SERP1: variants seen among roughly 807,000 people sequenced by gnomAD.
SERP1 encodes the protein stress-associated endoplasmic reticulum protein 1.
In SERP1, 6 loss-of-function variants were observed where a neutral mutation model predicts 8.8. The observed-to-expected ratio is 0.68, with a 90% CI of 0.37 to 1.35. The LOEUF (loss-of-function observed/expected upper bound fraction) is 1.35. Ranked by LOEUF, SERP1 falls within the 40% of genes most tolerant of loss-of-function variation. The pLI, the probability that SERP1 is intolerant of heterozygous loss-of-function variation, is 0.02. For missense variants in SERP1, 52 were observed against 86.2 expected (o/e 0.60, Z 1.57); for synonymous variants, 36 against 28.7 (o/e 1.25, Z -0.81).
chr3:150,544,325 C>G lies in SERP1; in HGVS notation c.*133G>C. On this transcript the variant is annotated 3_prime_UTR_variant, in exon 3 of 3. Transcript: ENST00000239944. ...CTCATGAAGAAACCTTGGAATGACA[C>G]ATGAAGCATGATAGGAAAGTCATTC... 3 of 827,166 alleles carry G rather than the reference C, an allele frequency of 3.6e-6. No homozygotes were observed. The highest frequency in any genetic ancestry group is 6.1e-6 in the Non-Finnish European group (3 of 490,170). The allele number at this position is 827,166 out of a possible 1,614,324, so 51.2% of individuals were successfully genotyped here. A position where few individuals can be genotyped will look rare whatever the true frequency, so the allele number is the denominator to read the frequency against.
chr3:150,545,848 C>A (rs1007396453), intron 1 of SERP1, 70 bp from the exon 2 acceptor site: 1 of 1,471,776 alleles, frequency 6.8e-7, no homozygotes, highest in African/African-American at 1.4e-5. Flanking sequence ...CACGCCTGCA[C>A]GCCGGTCGCC....
Position 150,546,303 on chromosome 3 carries a change from G to C in SERP1, c.-168C>G, listed in dbSNP as rs1377503602. On this transcript the variant is annotated 5_prime_UTR_variant, in exon 1 of 3. Coordinates refer to ENST00000239944, the MANE Select transcript of SERP1 (RefSeq NM_014445.4). ...CTGGGCCTGGGCGCCGCAAGCGCGAGGTCTGAGCACAAGCCGGGCGCCGGC... is the reference window on the plus strand; with the variant it reads ...CTGGGCCTGGGCGCCGCAAGCGCGACGTCTGAGCACAAGCCGGGCGCCGGC... 6 of 715,104 alleles carry C rather than the reference G, an allele frequency of 8.4e-6. No homozygotes were observed. In the East Asian group the frequency reaches 1.4e-4, roughly 17 times the overall value. The allele number at this position is 715,104 out of a possible 1,614,324, so 44.3% of individuals were successfully genotyped here.
intron 2 of SERP1, chr3:150,545,313 T>C (rs1722961122): frequency 3.3e-6 from 1 of 306,290 alleles, no homozygotes; most frequent in Non-Finnish European, 5.9e-6. Flanking sequence ...CATTAGATTC[T>C]GGTATATGTT....
Position 150,544,473 on chromosome 3 carries a change from G to T in SERP1, c.186C>A (p.Ile62=). ...GSAIFQIIQS[I]RMGM Reference sequence around the variant, plus strand: ...GTCAGTCACTTCACATGCCCATCCTGATACTTTGAATAATCTGGAAAATTG... The same window carrying T: ...GTCAGTCACTTCACATGCCCATCCTTATACTTTGAATAATCTGGAAAATTG... Residue 62 remains isoleucine (I), a synonymous_variant, in exon 3 of 3, where the codon ATC becomes ATA. Transcript: ENST00000239944. 1 of 1,612,764 alleles carries T rather than the reference G, an allele frequency of 6.2e-7. No individual in the cohort carries two copies.
chr3:150,542,727 A>C lies in SERP1; in HGVS notation c.*1731T>G, dbSNP rs1217886809. The C allele has an allele frequency of 6.6e-6, 1 of 152,652 alleles. No individual in the cohort carries two copies. The highest frequency in any genetic ancestry group is 1.5e-5 in the Non-Finnish European group (1 of 68,026). 9.5% of individuals were successfully genotyped at this position (152,652 alleles called of 1,614,324 possible). A position where few individuals can be genotyped will look rare whatever the true frequency, so the allele number is the denominator to read the frequency against. ...CAGAACATTGTACATTAAAAAACAC[A>C]AACAACAACTTAAAGCCAAATATCT... On this transcript the variant is annotated 3_prime_UTR_variant, in exon 3 of 3. Transcript: ENST00000239944.
chr3:150,544,221 TAAC>T lies in SERP1; in HGVS notation c.*234_*236del. 1.9e-6 allele frequency: 1 copy of T among 522,970 alleles called. No homozygotes were observed. The highest frequency in any genetic ancestry group is 3.4e-6 in the Non-Finnish European group (1 of 291,218). 32.4% of individuals were successfully genotyped at this position (522,970 alleles called of 1,614,324 possible). On this transcript the variant is annotated 3_prime_UTR_variant, in exon 3 of 3. Coordinates refer to ENST00000239944, the MANE Select transcript of SERP1 (RefSeq NM_014445.4). ...ATAAGTAGGGTCCACTACTGTATCT[TAAC>T]AATCAAATTTTATTGCTTTATTCAT...
Position 150,546,075 on chromosome 3 carries a change from G to C in SERP1, c.61C>G (p.Arg21Gly), listed in dbSNP as rs998796439. The C allele has an allele frequency of 6.2e-7, 1 of 1,613,784 alleles. No individual in the cohort carries two copies. The highest frequency in any genetic ancestry group is 8.5e-7 in the Non-Finnish European group (1 of 1,179,890). ...ACCGAGGTCTTGGCGACGTTGCCGC[G>C]CTGGGTGATGTTCTTGCTGTGCTTC... ...NEKHSKNITQ[R>G]GNVAKTSRNA... The change falls in exon 1 of 3, where the codon CGC (arginine) becomes GGC (glycine). Residue 21 changes from arginine to glycine, a missense_variant. Transcript: ENST00000239944.
At position 150,544,184 on chromosome 3, in the gene SERP1, T is replaced by C; in HGVS notation, c.*274A>G. ...AATAACCACATAAAAAAACTTACTC[T>C]TAATTGACTGAATAAGTAGGGTCCA... On this transcript the variant is annotated 3_prime_UTR_variant, in exon 3 of 3. Transcript: ENST00000239944. 2.6e-6 allele frequency: 1 copy of C among 377,498 alleles called. No individual in the cohort carries two copies. Among genetic ancestry groups the C allele is most frequent in the Non-Finnish European group, 4.8e-6 (1 of 209,336 alleles). 23.4% of individuals were successfully genotyped at this position (377,498 alleles called of 1,614,324 possible).
chr3:150,545,937 C>A, intron 1 of SERP1, 115 bp downstream of exon 1: 1 of 1,435,004 alleles, frequency 7.0e-7, no homozygotes, highest in Non-Finnish European at 9.6e-7. Context: ...GGCCCCTACC[C>A]CTCCACGGCA....
At position 150,543,738 on chromosome 3, in the gene SERP1, C is replaced by T. The variant is rs1167746820; in HGVS notation, c.*720G>A. On this transcript the variant is annotated 3_prime_UTR_variant, in exon 3 of 3. Transcript: ENST00000239944. ...CCACCACGGTAGCTTTTAGTGAAACCACAGTAACTGATTAAGTCAGAAAAC... is the reference window on the plus strand; with the variant it reads ...CCACCACGGTAGCTTTTAGTGAAACTACAGTAACTGATTAAGTCAGAAAAC... 1.3e-5 allele frequency: 2 copies of T among 150,008 alleles called. No homozygotes were observed. The highest frequency in any genetic ancestry group is 3.0e-5 in the Non-Finnish European group (2 of 67,582). The allele number at this position is 150,008 out of a possible 1,614,324, so 9.3% of individuals were successfully genotyped here. A position where few individuals can be genotyped will look rare whatever the true frequency, so the allele number is the denominator to read the frequency against.
chr3:150,545,897 G>T, intron 1 of SERP1, 119 bp from the exon 2 acceptor site: 3 of 1,347,688 alleles, frequency 2.2e-6, no homozygotes, highest in Non-Finnish European at 3.1e-6. Context: ...CCGTTCCCGA[G>T]CCCCCACAGT....
In SERP1 at chr3:150,546,226, G is replaced by C; in HGVS notation, c.-91C>G. The C allele has an allele frequency of 2.1e-6, 3 of 1,432,000 alleles. No homozygotes were observed. The South Asian group carries it at 3.5e-5, about 17-fold the overall frequency. The allele number at this position is 1,432,000 out of a possible 1,614,324, so 88.7% of individuals were successfully genotyped here. On this transcript the variant is annotated 5_prime_UTR_variant, in exon 1 of 3. Coordinates refer to ENST00000239944, the MANE Select transcript of SERP1 (RefSeq NM_014445.4). The stretch of plus-strand genomic sequence containing the variant: ...GCCGCTGCGAGGCTCGGCTCGTGGT[G>C]CCCGCGCCGCCGGAGCGCCGAGGTT...
At position 150,546,271 on chromosome 3, in the gene SERP1, A is replaced by T; in HGVS notation, c.-136T>A. On this transcript the variant is annotated 5_prime_UTR_variant, in exon 1 of 3. Coordinates refer to ENST00000239944, the MANE Select transcript of SERP1 (RefSeq NM_014445.4). Reference sequence around the variant, plus strand: ...GAGGTTCTCAGGCCAGACGCTAGCTACGGCCGCTGGGCCTGGGCGCCGCAA... The same window carrying T: ...GAGGTTCTCAGGCCAGACGCTAGCTTCGGCCGCTGGGCCTGGGCGCCGCAA... 1.0e-6 allele frequency: 1 copy of T among 981,836 alleles called. No individual in the cohort carries two copies. Among genetic ancestry groups the T allele is most frequent in the Non-Finnish European group, 1.5e-6 (1 of 672,360 alleles). The allele number at this position is 981,836 out of a possible 1,614,324, so 60.8% of individuals were successfully genotyped here.
intron 2 of SERP1, among the ~76,000 whole-genome samples, chr3:150,544,708 G>C (rs563804914): frequency 6.6e-6 from 1 of 152,206 alleles, no homozygotes; most frequent in African/African-American, 2.4e-5. Context: ...TCTTAGCTTC[G>C]CTGAACTTTA....
Position 150,544,138 on chromosome 3 carries a change from A to T in SERP1, c.*320T>A. 3.6e-6 allele frequency: 1 copy of T among 276,130 alleles called. No individual in the cohort carries two copies. Among genetic ancestry groups the T allele is most frequent in the Non-Finnish European group, 6.8e-6 (1 of 147,064 alleles). The allele number at this position is 276,130 out of a possible 1,614,324, so 17.1% of individuals were successfully genotyped here. A position where few individuals can be genotyped will look rare whatever the true frequency, so the allele number is the denominator to read the frequency against. On this transcript the variant is annotated 3_prime_UTR_variant, in exon 3 of 3. Transcript: ENST00000239944. ...CTAGACCCTGTCTATGCAGAGTTAG[A>T]CTAATTGTTCATACTGTTTTAATAA...
Position 150,546,151 on chromosome 3 carries a change from AC to A in SERP1, c.-17del. Reference sequence around the variant, plus strand: ...TGGCGACCATCTTCGCGGCGCCACCACCTGCCCCGGCCACCCCTCGGACTCG... The same window carrying A: ...TGGCGACCATCTTCGCGGCGCCACCACTGCCCCGGCCACCCCTCGGACTCG... On this transcript the variant is annotated 5_prime_UTR_variant, in exon 1 of 3. Coordinates refer to ENST00000239944, the MANE Select transcript of SERP1 (RefSeq NM_014445.4). The A allele has an allele frequency of 6.2e-7, 1 of 1,611,620 alleles. No homozygotes were observed. The highest frequency in any genetic ancestry group is 8.5e-7 in the Non-Finnish European group (1 of 1,179,608).
At position 150,546,399 on chromosome 3, in the gene SERP1, C is replaced by A; in HGVS notation, c.-264G>T. ...ACTGGCCGCCGGGTCGTTCTCGCGC[C>A]GCCGTCGCCGCCGCTTTGGCCGCCG... On this transcript the variant is annotated 5_prime_UTR_variant, in exon 1 of 3. Transcript: ENST00000239944. 1.8e-6 allele frequency: 1 copy of A among 557,170 alleles called. No homozygotes were observed. The highest frequency in any genetic ancestry group is 3.1e-6 in the Non-Finnish European group (1 of 318,538). The allele number at this position is 557,170 out of a possible 1,614,324, so 34.5% of individuals were successfully genotyped here.
chr3:150,544,393 A>AGGTTG lies in SERP1; in HGVS notation c.*64_*65insCAACC. 1.4e-6 allele frequency: 2 copies of AGGTTG among 1,409,760 alleles called. No homozygotes were observed. Among genetic ancestry groups the AGGTTG allele is most frequent in the Non-Finnish European group, 1.0e-6 (1 of 995,284 alleles). 87.3% of individuals were successfully genotyped at this position (1,409,760 alleles called of 1,614,324 possible). ...CTGAATTGTTTTCAACCAGGGTATCAAACATCAGGAATGAGTTCAAGTTAA... is the reference window on the plus strand; with the variant it reads ...CTGAATTGTTTTCAACCAGGGTATCAGGTTGAACATCAGGAATGAGTTCAAGTTAA... On this transcript the variant is annotated 3_prime_UTR_variant, in exon 3 of 3. Coordinates refer to ENST00000239944, the MANE Select transcript of SERP1 (RefSeq NM_014445.4).
chr3:150,545,822 T>G, intron 1 of SERP1, 44 bp from the exon 2 acceptor site: 3 of 1,560,496 alleles, frequency 1.9e-6, no homozygotes, highest in Non-Finnish European at 2.6e-6. Context: ...GAGAAACCAC[T>G]CGGACCCCAG....
Sources: gnomAD v4.1 joint callset for allele counts (sites outside exome capture counted in the v4.1 genomes callset) on GRCh38, gnomAD v4.1.1 for gene constraint, MANE v1.5 for transcripts, NCBI Gene and HGNC (gene_info 2026-07-23, HGNC 2026-07-21) for gene names.